Variants in NTRK1 observed in about 807,000 individuals in gnomAD.
The protein encoded by NTRK1 is high affinity nerve growth factor receptor.
NTRK1 carries 62 observed loss-of-function variants against 86.8 expected under a neutral mutation model. The observed-to-expected ratio is 0.71, with a 90% CI of 0.58 to 0.88. The LOEUF (loss-of-function observed/expected upper bound fraction) is 0.88. Among genes scored for constraint, NTRK1 ranks in the 40% least tolerant of loss-of-function variants. The probability of loss-of-function intolerance (pLI) is 0.00; values close to 1 mark genes in which losing one functional copy is unlikely to be tolerated. For synonymous variants in NTRK1, 469 were observed against 456.6 expected (o/e 1.03, Z -0.35); for missense variants, 967 against 1,078.4 (o/e 0.90, Z 1.45).
At chr1:156,834,901 T>G (rs914599590) in intron 1 of NTRK1, among the ~76,000 whole-genome samples, 1 of 151,904 alleles carries the variant, frequency 6.6e-6, no homozygotes, top group African/African-American at 2.4e-5. Context: ...AGGGGTGTGA[T>G]GGTCCACACT....
At chr1:156,816,555 A>T in intron 1 of NTRK1, 1 of 887,538 alleles carries the variant, frequency 1.1e-6, no homozygotes, top group Non-Finnish European at 1.7e-6. Context: ...CAGCTTTGCC[A>T]GCTCTGGCTT....
rs2102927115 is a variant in NTRK1, at chr1:156,880,016, G to A, written c.2064G>A (p.Met688Ile). ...TDYYRVGGRT[M>I]LPIRWMPPES... ...CGTGGCAGGTGGGAGGCCGCACCAT[G>A]CTGCCCATTCGCTGGATGCCGCCCG... The change falls in exon 16 of 17, where the codon ATG becomes ATA. Residue 688 changes from methionine (M) to isoleucine (I), a missense_variant. Around this residue, in one of 2 missense-constraint regions of NTRK1, gnomAD observed 637 missense variants for 776.5 expected, o/e 0.82. Transcript: ENST00000524377. 6.2e-7 allele frequency: 1 copy of A among 1,613,280 alleles called. No individual in the cohort carries two copies. Among genetic ancestry groups the A allele is most frequent in the Non-Finnish European group, 8.5e-7 (1 of 1,179,980 alleles).
rs139140006 is a variant in NTRK1, at chr1:156,864,377, T to A, written c.236T>A (p.Leu79Gln). 287 of 1,614,000 alleles carry A rather than the reference T, an allele frequency of 1.8e-4. No homozygotes were observed. The highest frequency in any genetic ancestry group is 4.3e-4 in the Admixed American group (26 of 60,004). ...AGCTACATCGAGAACCAGCAGCATC[T>A]GCAGCATCTGGAGCTCCGTGATCTG... is the stretch of plus-strand genomic sequence containing the variant. ...TELYIENQQH[L>Q]QHLELRDLRG... is the part of the protein sequence containing the mutation. The change falls in exon 2 of 17, where the codon CTG becomes CAG. Residue 79 changes from leucine to glutamine, a missense_variant. This residue lies in a region of NTRK1 where 330 missense variants were observed against 302.0 expected (regional missense o/e 1.09). Transcript: ENST00000524377.
At chr1:156,833,077 G>A (rs1654504954) in intron 1 of NTRK1, among the ~76,000 whole-genome samples, 3 of 152,354 alleles carry the variant, frequency 2.0e-5, no homozygotes, top group South Asian at 4.1e-4. Context: ...TTGGCCCAGA[G>A]TGGTACACCA....
chr1:156,859,685 G>A (rs1655541514), upstream of NTRK1, among the ~76,000 whole-genome samples: 1 of 151,982 alleles, frequency 6.6e-6, no homozygotes, highest in South Asian at 2.1e-4. This position sits in a 1 kb window ranked among gnomAD's most constrained non-coding sequence, Gnocchi z 6.2. Context: ...TCACCTTCTT[G>A]AGCTCAGGCT....
rs773085986 is a variant in NTRK1, at chr1:156,843,194, A to C, written c.50+1001A>C. 25 of 1,613,968 alleles carry C rather than the reference A, an allele frequency of 1.5e-5. No homozygotes were observed. The highest frequency in any genetic ancestry group is 2.1e-5 in the Non-Finnish European group (25 of 1,180,030). On this transcript the variant is annotated intron_variant, in intron 2 of 16. Transcript: ENST00000392302. ...CTGGCCCAGTTCCCGGATTATCGAG[A>C]TCTGCTCCCGAGGCACCTCCCATTC...
At chr1:156,817,191 T>G (rs1654023639) in intron 1 of NTRK1, among the ~76,000 whole-genome samples, 1 of 151,956 alleles carries the variant, frequency 6.6e-6, no homozygotes, top group African/African-American at 2.4e-5. Flanking sequence ...ACAAGGTGCT[T>G]ATGGATCATG....
chr1:156,851,170 A>T, intron 2 of NTRK1: 1 of 1,036,606 alleles, frequency 9.6e-7, no homozygotes, highest in Non-Finnish European at 1.5e-6. Flanking sequence ...TAACCTACTT[A>T]GAGTCACACG....
At chr1:156,858,575 A>G (rs764071208), upstream of NTRK1, 1 of 1,614,088 alleles carries the variant, frequency 6.2e-7, no homozygotes, top group Admixed American at 1.7e-5. Flanking sequence ...GGAGAGGAAG[A>G]TCACAGGCAG....
chr1:156,881,532 C>A lies in NTRK1; in HGVS notation c.2281C>A (p.Arg761=), dbSNP rs759637817. 6.2e-7 allele frequency: 1 copy of A among 1,603,016 alleles called. No homozygotes were observed. Among genetic ancestry groups the A allele is most frequent in the Non-Finnish European group, 8.5e-7 (1 of 1,175,116 alleles). The change falls in exon 17 of 17, where the codon CGG becomes AGG. Residue 761 remains arginine (R), a synonymous_variant. Coordinates refer to ENST00000524377, the MANE Select transcript of NTRK1 (RefSeq NM_002529.4). ...ACPPEVYAIM[R]GCWQREPQQR... ...CCCACCAGAGGTCTACGCCATCATG[C>A]GGGGCTGCTGGCAGCGGGAGCCCCA...
At chr1:156,880,733 T>C (rs1334522154) in intron 16 of NTRK1, among the ~76,000 whole-genome samples, 2 of 152,178 alleles carry the variant, frequency 1.3e-5, no homozygotes, top group African/African-American at 4.8e-5. Flanking sequence ...GAGAGGGTTA[T>C]AGATTTTAAT....
chr1:156,846,760 G>C (rs1356351095), intron 2 of NTRK1: 13 of 1,611,294 alleles, frequency 8.1e-6, no homozygotes, highest in Non-Finnish European at 1.1e-5. Context: ...GGAATGGGCT[G>C]AACACCCATC....
In NTRK1 at chr1:156,816,148, T is replaced by C. The variant is rs1483117639; in HGVS notation, c.-64+310T>C. The C allele has an allele frequency of 9.6e-6, 15 of 1,555,288 alleles. No individual in the cohort carries two copies. In the East Asian group the frequency reaches 3.4e-4, roughly 36 times the overall value. On this transcript the variant is annotated intron_variant, in intron 1 of 16. Coordinates refer to the NTRK1 transcript ENST00000392302. Reference sequence around the variant, plus strand: ...TTCTCAGAGAGGAACTATGTCTGTCTCTGCCTCCCACCCCTCCTCCCAGGC... The same window carrying C: ...TTCTCAGAGAGGAACTATGTCTGTCCCTGCCTCCCACCCCTCCTCCCAGGC...
chr1:156,866,973 G>A lies in NTRK1; in HGVS notation c.423G>A (p.Gln141=). The change falls in exon 4 of 17, where the codon CAG becomes CAA. Residue 141 remains glutamine (Q), a synonymous_variant. Transcript: ENST00000524377. Reference sequence around the variant, plus strand: ...AAACTGTGCAGGGCCTCTCCTTACAGGAACTGTGAGTGGGGGCGCTTCCAG... The same window carrying A: ...AAACTGTGCAGGGCCTCTCCTTACAAGAACTGTGAGTGGGGGCGCTTCCAG... ...SWKTVQGLSL[Q]ELVLSGNPLH... 1 of 1,614,264 alleles carries A rather than the reference G, an allele frequency of 6.2e-7. No homozygotes were observed. Among genetic ancestry groups the A allele is most frequent in the East Asian group, 2.2e-5 (1 of 44,884 alleles).
intron 2 of NTRK1, chr1:156,846,687 C>T (rs770286133): frequency 4.3e-6 from 7 of 1,614,184 alleles, no homozygotes; most frequent in East Asian, 2.2e-5. Context: ...GGCAGCTCCA[C>T]ATCCAGCAGG....
chr1:156,849,469 G>T (rs369456058), intron 2 of NTRK1: 9 of 1,598,156 alleles, frequency 5.6e-6, no homozygotes, highest in Non-Finnish European at 7.7e-6. Flanking sequence ...TCCTGGGGGA[G>T]GCCAGGGGAC....
At chr1:156,863,254 T>C (rs1455841830) in intron 1 of NTRK1, among the ~76,000 whole-genome samples, 1 of 152,180 alleles carries the variant, frequency 6.6e-6, no homozygotes, top group Non-Finnish European at 1.5e-5. Context: ...TCTGTCCTTA[T>C]CTGTCTGTCT....
chr1:156,881,658 G>A lies in NTRK1; in HGVS notation c.*16G>A. 3 of 1,594,054 alleles carry A rather than the reference G, an allele frequency of 1.9e-6. No homozygotes were observed. The highest frequency in any genetic ancestry group is 2.3e-5 in the South Asian group (2 of 88,282). ...CCTGGGCTAGGGGGCCGGCCCAGGG[G>A]CTGGGAGTGGTTAGCCGGAATACTG... On this transcript the variant is annotated 3_prime_UTR_variant, in exon 17 of 17. Coordinates refer to ENST00000524377, the MANE Select transcript of NTRK1 (RefSeq NM_002529.4).
In NTRK1 at chr1:156,881,549, G is replaced by T. The variant is rs1453012886; in HGVS notation, c.2298G>T (p.Arg766=). 1 of 1,609,036 alleles carries T rather than the reference G, an allele frequency of 6.2e-7. No individual in the cohort carries two copies. The highest frequency in any genetic ancestry group is 8.5e-7 in the Non-Finnish European group (1 of 1,178,164). The change falls in exon 17 of 17, where the codon CGG becomes CGT. Residue 766 remains arginine (R), a synonymous_variant. Transcript: ENST00000524377. The part of the protein sequence containing the change: ...VYAIMRGCWQ[R]EPQQRHSIKD... ...CCATCATGCGGGGCTGCTGGCAGCG[G>T]GAGCCCCAGCAACGCCACAGCATCA...
Sources: allele counts gnomAD v4.1 joint callset (sites outside exome capture counted in the v4.1 genomes callset), GRCh38; gene constraint gnomAD v4.1.1; regional missense constraint gnomAD v4.1.1; non-coding constraint Gnocchi (gnomAD v3.1); transcripts MANE v1.5; gene names NCBI Gene and HGNC (gene_info 2026-07-23, HGNC 2026-07-21).